VPS13C: variants seen among roughly 807,000 people sequenced by gnomAD.
The protein encoded by VPS13C is intermembrane lipid transfer protein VPS13C.
A neutral mutation model predicts 456.8 loss-of-function variants in VPS13C; 358 were observed. The ratio of observed to expected loss-of-function variants is 0.78; its 90% CI spans 0.72 to 0.86. The LOEUF (loss-of-function observed/expected upper bound fraction) is 0.86, where lower values mean the gene tolerates loss of function less well. Ranked by LOEUF, VPS13C falls within the 40% of genes least tolerant of loss-of-function variation. The probability of loss-of-function intolerance (pLI) is 0.00; values close to 1 mark genes in which losing one functional copy is unlikely to be tolerated. For synonymous variants in VPS13C, 1,578 were observed against 1,486.7 expected, an observed-to-expected ratio of 1.06 and a Z score of -1.41; for missense variants, 4,818 against 4,385.4, an observed-to-expected ratio of 1.10 and a Z score of -2.79.
chr15:61,969,545 G>A (rs2045483025), intron 27 of VPS13C, 93 bp from the exon 28 acceptor site: 1 of 792,948 alleles, frequency 1.3e-6, no homozygotes. Flanking sequence ...ACATCACCAT[G>A]AGAATAGTAA....
chr15:62,008,040 A>G (rs1482097976), intron 14 of VPS13C, among the ~76,000 whole-genome samples: 1 of 151,964 alleles, frequency 6.6e-6, no homozygotes, highest in Non-Finnish European at 1.5e-5. Context: ...GGAGTTCAAG[A>G]TGTCGAGATG....
At chr15:61,895,455 A>G (rs1166712581) in intron 66 of VPS13C, among the ~76,000 whole-genome samples, 1 of 152,170 alleles carries the variant, frequency 6.6e-6, no homozygotes, top group Non-Finnish European at 1.5e-5. Flanking sequence ...ACTTTTAGCT[A>G]GACTACAAAA....
intron 66 of VPS13C, among the ~76,000 whole-genome samples, chr15:61,895,680 T>C (rs1464136649): frequency 3.3e-5 from 5 of 152,168 alleles, no homozygotes; most frequent in Admixed American, 2.6e-4. Context: ...GAAGACATCA[T>C]GTTAAGTGAA....
intron 9 of VPS13C, among the ~76,000 whole-genome samples, chr15:62,015,380 T>C (rs2047196391): frequency 6.6e-6 from 1 of 152,114 alleles, no homozygotes; most frequent in Non-Finnish European, 1.5e-5. Flanking sequence ...TTGTCAATTT[T>C]GGCTTTTGTT....
In VPS13C at chr15:61,890,504, T is replaced by C; in HGVS notation, c.9106-104A>G. The C allele has an allele frequency of 6.2e-6, 6 of 969,462 alleles. No homozygotes were observed. In the South Asian group the frequency reaches 8.7e-5, roughly 14 times the overall value. The allele number at this position is 969,462 out of a possible 1,614,324, so 60.1% of individuals were successfully genotyped here. A position where few individuals can be genotyped will look rare whatever the true frequency, so the allele number is the denominator to read the frequency against. On this transcript the variant is annotated intron_variant, in intron 66 of 84. Coordinates refer to ENST00000644861, the MANE Select transcript of VPS13C (RefSeq NM_020821.3). ...ATTAGAAAAGTTTAAGAAGCACTAC[T>C]ATAAATTGAAAAATTCTAACCATCA...
intron 27 of VPS13C, among the ~76,000 whole-genome samples, chr15:61,971,324 C>T (rs1005755036): frequency 5.9e-5 from 9 of 152,090 alleles, no homozygotes; most frequent in Admixed American, 5.9e-4. Context: ...TGCAGTGGTG[C>T]ACTCTCAGCT....
chr15:61,961,597 T>C lies in VPS13C; in HGVS notation c.3900A>G (p.Thr1300=), dbSNP rs895582216. Residue 1300 remains threonine (T), a synonymous_variant, in exon 35 of 85, where the codon ACA becomes ACG. Coordinates refer to ENST00000644861, the MANE Select transcript of VPS13C (RefSeq NM_020821.3). ...TTATTGAAAGAGCATACCTATAAAGTGTAAGCTTTGTTAGCTGCACATCCA... is the reference window on the plus strand; with the variant it reads ...TTATTGAAAGAGCATACCTATAAAGCGTAAGCTTTGTTAGCTGCACATCCA... ...DRMDVQLTKL[T]LYRTVIQPGI... is the part of the protein sequence containing the mutation. 2 of 1,593,968 alleles carry C rather than the reference T, an allele frequency of 1.3e-6. No individual in the cohort carries two copies. The highest frequency in any genetic ancestry group is 1.1e-5 in the South Asian group (1 of 87,254).
At chr15:61,874,708 G>A (rs1433276530) in intron 77 of VPS13C, among the ~76,000 whole-genome samples, 168 bp downstream of exon 77, 1 of 151,814 alleles carries the variant, frequency 6.6e-6, no homozygotes, top group African/African-American at 2.4e-5. Flanking sequence ...AAAACCAGCA[G>A]TCTACTGTTA....
In VPS13C at chr15:61,941,800, T is replaced by C. The variant is rs2140259598; in HGVS notation, c.5416A>G (p.Lys1806Glu). The change falls in exon 46 of 85, where the codon AAA (lysine) becomes GAA (glutamate). Residue 1806 changes from lysine (K) to glutamate (E), a missense_variant. Coordinates refer to ENST00000644861, the MANE Select transcript of VPS13C (RefSeq NM_020821.3). ...AACTGAGTGAGTTCGATGTTCATTT[T>C]ATCAATGACTGGAGGAAGAGAATAA... ...EHYSLPPVID[K>E]MNIELTQLKL... The C allele has an allele frequency of 1.9e-6, 3 of 1,613,328 alleles. No individual in the cohort carries two copies. In the East Asian group the frequency reaches 6.7e-5, roughly 36 times the overall value.
Position 61,991,084 on chromosome 15 carries a change from G to A in VPS13C, c.1494C>T (p.Asp498=). ...TATCTTTTTCCTCTGGAGTCATAAG[G>A]TCATCAATAGCTATGAAAAAACAAC... ...EESLIPETID[D]LMTPEEKDKL... Residue 498 remains aspartate (D), a synonymous_variant, in exon 18 of 85, where the codon GAC becomes GAT. Transcript: ENST00000644861. 6.2e-7 allele frequency: 1 copy of A among 1,601,040 alleles called. No homozygotes were observed. The highest frequency in any genetic ancestry group is 8.5e-7 in the Non-Finnish European group (1 of 1,176,070).
rs777913542 is a variant in VPS13C at position 61,969,344 on chromosome 15, C to A, written c.2866G>T (p.Val956Leu). 6.2e-7 allele frequency: 1 copy of A among 1,602,676 alleles called. No individual in the cohort carries two copies. ...ATMRTFDLTVVSYLKKISLDY... is the reference protein window; with the variant it reads ...ATMRTFDLTVLSYLKKISLDY... The stretch of plus-strand genomic sequence containing the variant: ...AAGCTGATTTTCTTTAAATAAGATA[C>A]CACAGTTAAGTCAAATGTTCTCATT... The change falls in exon 28 of 85, where the codon GTA becomes TTA. Residue 956 changes from valine (V) to leucine (L), a missense_variant. By Grantham distance (32) the Val-to-Leu change is conservative. Around this residue, in one of 3 missense-constraint regions of VPS13C, gnomAD observed 4,552 missense variants for 4,130.6 expected, o/e 1.10. Transcript: ENST00000644861.
intron 15 of VPS13C, among the ~76,000 whole-genome samples, chr15:62,001,150 T>A (rs1358272152): frequency 6.6e-6 from 1 of 152,234 alleles, no homozygotes; most frequent in Admixed American, 6.5e-5. Flanking sequence ...GTGTTCCAAG[T>A]GCTTTATGTG....
chr15:61,895,089 A>T (rs1320827089), intron 66 of VPS13C, among the ~76,000 whole-genome samples: 1 of 152,196 alleles, frequency 6.6e-6, no homozygotes, highest in Admixed American at 6.5e-5. Context: ...ATAAAAACAC[A>T]GAAATTAAAT....
chr15:61,866,593 C>G, intron 81 of VPS13C: 1 of 985,104 alleles, frequency 1.0e-6, no homozygotes, highest in Non-Finnish European at 1.2e-6. Context: ...GTGCTTGACT[C>G]TCCTAGAAAA....
Position 61,882,593 on chromosome 15 carries a change from T to C in VPS13C, c.9624+3A>G. 6.6e-7 allele frequency: 1 copy of C among 1,519,724 alleles called. No individual in the cohort carries two copies. Among genetic ancestry groups the C allele is most frequent in the Non-Finnish European group, 8.8e-7 (1 of 1,138,428 alleles). The allele number at this position is 1,519,724 out of a possible 1,614,324, so 94.1% of individuals were successfully genotyped here. On this transcript the variant is annotated splice_donor_region_variant and intron_variant, in intron 69 of 84. Coordinates refer to ENST00000644861, the MANE Select transcript of VPS13C (RefSeq NM_020821.3). ...AATACTTATTTGAGAATGACAATGT[T>C]ACCTGAAGCCAGTACAACCTGGCCC...
At chr15:61,926,190 C>G (rs980141919) in intron 52 of VPS13C, among the ~76,000 whole-genome samples, 1 of 152,042 alleles carries the variant, frequency 6.6e-6, no homozygotes, top group Non-Finnish European at 1.5e-5. Context: ...CTTGAGGCCA[C>G]GAGTTCAAGA....
At chr15:61,901,822 T>C (rs953865755) in intron 66 of VPS13C, among the ~76,000 whole-genome samples, 16 of 152,280 alleles carry the variant, frequency 1.1e-4, no homozygotes, top group African/African-American at 1.9e-4. Flanking sequence ...CATATGTTTA[T>C]TGCGGAATTA....
chr15:61,979,374 T>C (rs2140376490), intron 22 of VPS13C, among the ~76,000 whole-genome samples: 1 of 152,284 alleles, frequency 6.6e-6, no homozygotes, highest in South Asian at 2.1e-4. Context: ...ACTAAGAAGA[T>C]TAAGGCTTCA....
chr15:61,867,990 C>G lies in VPS13C; in HGVS notation c.10863+669G>C. ...CAAAGAAAATAAAGTTAGAAGCATG[C>G]AGAAAGATAGATAAAACGTAATCAT... On this transcript the variant is annotated intron_variant, in intron 81 of 84. Transcript: ENST00000644861. This position sits in a 1 kb window ranked among gnomAD's most constrained non-coding sequence, Gnocchi z 5.0. 7.6e-7 allele frequency: 1 copy of G among 1,308,912 alleles called. No individual in the cohort carries two copies. The highest frequency in any genetic ancestry group is 2.3e-5 in the East Asian group (1 of 42,840). 81.1% of individuals were successfully genotyped at this position (1,308,912 alleles called of 1,614,324 possible).
Sources: allele counts gnomAD v4.1 joint callset (sites outside exome capture counted in the v4.1 genomes callset), GRCh38; gene constraint gnomAD v4.1.1; regional missense constraint gnomAD v4.1.1; non-coding constraint Gnocchi (gnomAD v3.1); transcripts MANE v1.5; gene names NCBI Gene and HGNC (gene_info 2026-07-23, HGNC 2026-07-21).